ZNF804A: variants seen among roughly 807,000 people sequenced by gnomAD.
ZNF804A encodes zinc finger protein 804A.
In ZNF804A, 2 loss-of-function variants were observed where a neutral mutation model predicts 16.5. That is an observed-to-expected ratio of 0.12 (90% CI 0.05 to 0.38). The LOEUF (loss-of-function observed/expected upper bound fraction) is 0.38. ZNF804A is among the 10% of genes least tolerant of loss of function. The pLI, the probability that ZNF804A is intolerant of heterozygous loss-of-function variation, is 0.99. For missense variants in ZNF804A, 1,473 were observed against 1,390.7 expected (o/e 1.06, Z -0.94); for synonymous variants, 534 against 489.6 (o/e 1.09, Z -1.20).
intron 1 of ZNF804A, among the ~76,000 whole-genome samples, chr2:184,807,880 A>C (rs1694835781): frequency 1.3e-5 from 2 of 151,704 alleles, no homozygotes; most frequent in Non-Finnish European, 3.0e-5. Flanking sequence ...TATTTAGAGA[A>C]AGGGCAAGAA....
At chr2:184,627,973 C>T (rs538717599) in intron 1 of ZNF804A, among the ~76,000 whole-genome samples, 23 of 152,218 alleles carry the variant, frequency 1.5e-4, no homozygotes, top group African/African-American at 5.3e-4. Flanking sequence ...GTATAACTGT[C>T]ACAGGCAATG....
At chr2:184,693,984 C>T (rs1692777318) in intron 1 of ZNF804A, among the ~76,000 whole-genome samples, 1 of 145,198 alleles carries the variant, frequency 6.9e-6, no homozygotes, top group East Asian at 2.0e-4. Flanking sequence ...GGCTGGAGTG[C>T]AGTGGCATGA....
At chr2:184,911,982 G>C (rs1685366619) in intron 2 of ZNF804A, among the ~76,000 whole-genome samples, 1 of 151,696 alleles carries the variant, frequency 6.6e-6, no homozygotes, top group African/African-American at 2.4e-5. Context: ...GAAAAGATGA[G>C]AAAATCAAAG....
intron 1 of ZNF804A, among the ~76,000 whole-genome samples, chr2:184,651,575 G>A (rs1691984249): frequency 6.6e-6 from 1 of 151,840 alleles, no homozygotes; most frequent in Non-Finnish European, 1.5e-5. Context: ...AATCTATAAG[G>A]AAACTAAACA....
chr2:184,632,538 G>C (rs1484869882), intron 1 of ZNF804A, among the ~76,000 whole-genome samples: 1 of 152,092 alleles, frequency 6.6e-6, no homozygotes, highest in Admixed American at 6.5e-5. Flanking sequence ...TGGGATTACA[G>C]GGGCGTGCCA....
intron 1 of ZNF804A, among the ~76,000 whole-genome samples, chr2:184,825,542 C>A (rs964469091): frequency 6.6e-6 from 1 of 151,764 alleles, no homozygotes; most frequent in Non-Finnish European, 1.5e-5. Flanking sequence ...CAGATTGATA[C>A]CAGAGCTCTA....
intron 2 of ZNF804A, among the ~76,000 whole-genome samples, chr2:184,893,515 T>C (rs142664633): frequency 2.4e-3 from 356 of 147,434 alleles, no homozygotes; most frequent in African/African-American, 8.9e-3. Flanking sequence ...TGTTAAATTT[T>C]CAAATGCAAG....
intron 1 of ZNF804A, among the ~76,000 whole-genome samples, chr2:184,787,194 T>A (rs1169390308): frequency 1.3e-5 from 2 of 151,988 alleles, no homozygotes; most frequent in Admixed American, 1.3e-4. Flanking sequence ...CTCTCGCTAA[T>A]AAATTAGAAC....
At chr2:184,656,341 A>G (rs1376160368) in intron 1 of ZNF804A, among the ~76,000 whole-genome samples, 1 of 152,160 alleles carries the variant, frequency 6.6e-6, no homozygotes, top group Non-Finnish European at 1.5e-5. Flanking sequence ...TAGGAGTGTT[A>G]TTACAGTGCA....
intron 1 of ZNF804A, among the ~76,000 whole-genome samples, chr2:184,733,811 T>C (rs567835345): frequency 2.4e-4 from 37 of 152,282 alleles, no homozygotes; most frequent in African/African-American, 8.2e-4. Flanking sequence ...ATAAATTTAT[T>C]CATAGTATCC....
chr2:184,879,676 T>A (rs902633330), intron 2 of ZNF804A, among the ~76,000 whole-genome samples: 2 of 152,132 alleles, frequency 1.3e-5, no homozygotes, highest in East Asian at 3.9e-4. Context: ...ATTTAGGGAT[T>A]TGAGAAAATA....
intron 1 of ZNF804A, among the ~76,000 whole-genome samples, chr2:184,784,983 G>A (rs942860075): frequency 2.0e-5 from 3 of 151,862 alleles, no homozygotes; most frequent in Non-Finnish European, 4.4e-5. Flanking sequence ...GATCCCCTTC[G>A]CCTTGGCTGT....
chr2:184,748,278 C>G (rs2105756726), intron 1 of ZNF804A, among the ~76,000 whole-genome samples: 1 of 137,582 alleles, frequency 7.3e-6, no homozygotes, highest in South Asian at 2.3e-4. Flanking sequence ...CATAGCCTCA[C>G]TAACATCTGT....
At chr2:184,767,799 A>G (rs1344843024) in intron 1 of ZNF804A, among the ~76,000 whole-genome samples, 2 of 152,142 alleles carry the variant, frequency 1.3e-5, no homozygotes, top group African/African-American at 4.8e-5. Flanking sequence ...AAAAAGTTCA[A>G]AGGGAAAAAC....
intron 1 of ZNF804A, among the ~76,000 whole-genome samples, chr2:184,804,399 G>A (rs780739716): frequency 9.2e-5 from 14 of 152,168 alleles, no homozygotes; most frequent in Admixed American, 3.3e-4. Context: ...GTGTCCGGAT[G>A]TATCTGAAAT....
At chr2:184,748,737 T>A (rs974526594) in intron 1 of ZNF804A, among the ~76,000 whole-genome samples, 2 of 151,682 alleles carry the variant, frequency 1.3e-5, no homozygotes, top group African/African-American at 4.8e-5. Context: ...ATTTAAATGT[T>A]TTATCAATTT....
intron 1 of ZNF804A, among the ~76,000 whole-genome samples, chr2:184,703,947 T>C (rs1692976384): frequency 6.6e-6 from 1 of 152,108 alleles, no homozygotes; most frequent in South Asian, 2.1e-4. Context: ...CTATACTTTT[T>C]TCAAAATTAC....
chr2:184,660,499 G>C (rs1056078200), intron 1 of ZNF804A, among the ~76,000 whole-genome samples: 3 of 152,144 alleles, frequency 2.0e-5, no homozygotes, highest in African/African-American at 7.2e-5. Context: ...CCCCACCACT[G>C]CCTGTCTTCT....
At chr2:184,677,607 T>C (rs1441848029) in intron 1 of ZNF804A, among the ~76,000 whole-genome samples, 1 of 151,988 alleles carries the variant, frequency 6.6e-6, no homozygotes, top group Non-Finnish European at 1.5e-5. Flanking sequence ...AACATCAAGG[T>C]ATTAAAAGTT....
Sources: gnomAD v4.1 joint callset for allele counts (sites outside exome capture counted in the v4.1 genomes callset) on GRCh38, gnomAD v4.1.1 for gene constraint, MANE v1.5 for transcripts, NCBI Gene and HGNC (gene_info 2026-07-23, HGNC 2026-07-21) for gene names.